Variants in SSBP2 observed in about 807,000 individuals in gnomAD.
SSBP2 encodes single stranded DNA binding protein 2.
SSBP2 carries 17 observed loss-of-function variants against 61.8 expected under a neutral mutation model. That is an observed-to-expected ratio of 0.28 (90% CI 0.19 to 0.41). SSBP2 has a LOEUF of 0.41. Ranked by LOEUF, SSBP2 falls within the 10% of genes least tolerant of loss-of-function variation. The pLI is 1.00. For synonymous variants in SSBP2, 139 were observed against 141.3 expected (o/e 0.98, Z 0.12); for missense variants, 310 against 458.7 (o/e 0.68, Z 2.96).
upstream of SSBP2, chr5:81,751,313 T>G (rs1581482028): frequency 6.1e-6 from 3 of 491,354 alleles, no homozygotes; most frequent in South Asian, 4.6e-5. Flanking sequence ...CCGCCTTCCC[T>G]CTCCGCTCTC....
intron 4 of SSBP2, among the ~76,000 whole-genome samples, chr5:81,595,992 G>T (rs78180084): frequency 6.6e-6 from 1 of 151,024 alleles, no homozygotes; most frequent in Admixed American, 6.6e-5. Flanking sequence ...CATAGTGTTG[G>T]ATAGGCAGGA....
intron 4 of SSBP2, among the ~76,000 whole-genome samples, chr5:81,575,877 G>A (rs988962809): frequency 1.3e-5 from 2 of 152,094 alleles, no homozygotes; most frequent in African/African-American, 4.8e-5. Context: ...TTAGATGCTG[G>A]GATAGTGTTC....
In SSBP2 at chr5:81,547,036, C is replaced by CAAAAAAAAAAA. The variant is rs61254614; in HGVS notation, c.283-33330_283-33320dup. On this transcript the variant is annotated intron_variant, in intron 4 of 16. Coordinates refer to ENST00000320672, the MANE Select transcript of SSBP2 (RefSeq NM_012446.5). The stretch of plus-strand genomic sequence containing the variant: ...TTTATAGTAAAGGGCAAATCTTGGC[C>CAAAAAAAAAAA]AAAAAAAAAAAAAAAAAAAAAGTCT... 2.0e-3 allele frequency among the ~76,000 whole-genome samples: 110 copies of CAAAAAAAAAAA among 53,858 alleles called. 14 individuals are homozygous for CAAAAAAAAAAA. Among genetic ancestry groups the CAAAAAAAAAAA allele is most frequent in the African/African-American group, 0.014 (104 of 7,372 alleles). 35.3% of individuals were successfully genotyped at this position (53,858 alleles called of 152,430 possible). A position where few individuals can be genotyped will look rare whatever the true frequency, so the allele number is the denominator to read the frequency against.
At chr5:81,560,116 C>T (rs780424330) in intron 4 of SSBP2, among the ~76,000 whole-genome samples, 5 of 152,180 alleles carry the variant, frequency 3.3e-5, no homozygotes, top group South Asian at 2.1e-4. Flanking sequence ...ATATCAATTG[C>T]GCTGTTTACT....
chr5:81,513,501 C>A lies in SSBP2; in HGVS notation c.372+127G>T, dbSNP rs1048190807. On this transcript the variant is annotated intron_variant, in intron 5 of 16. Transcript: ENST00000320672. The stretch of plus-strand genomic sequence containing the variant: ...ATAATAGATAACCCATCTGAATAAT[C>A]AAGAGTTGGCTACACATTATTATTT... 265 of 585,448 alleles carry A rather than the reference C, an allele frequency of 4.5e-4. 1 individual carries two copies. The highest frequency in any genetic ancestry group is 4.3e-4 in the Non-Finnish European group (141 of 326,352). 36.3% of individuals were successfully genotyped at this position (585,448 alleles called of 1,614,324 possible). A position where few individuals can be genotyped will look rare whatever the true frequency, so the allele number is the denominator to read the frequency against.
chr5:81,719,424 C>A (rs182787750), intron 1 of SSBP2, among the ~76,000 whole-genome samples: 2 of 152,252 alleles, frequency 1.3e-5, no homozygotes, highest in South Asian at 2.1e-4. Flanking sequence ...TCTTAATATC[C>A]ATAACATGGT....
intron 4 of SSBP2, among the ~76,000 whole-genome samples, chr5:81,544,952 T>G (rs1282406043): frequency 6.6e-6 from 1 of 152,150 alleles, no homozygotes; most frequent in African/African-American, 2.4e-5. Context: ...ACATATGGAC[T>G]GAATATAGAG....
intron 2 of SSBP2, among the ~76,000 whole-genome samples, chr5:81,641,683 A>C (rs1472426072): frequency 6.6e-6 from 1 of 152,236 alleles, no homozygotes; most frequent in East Asian, 1.9e-4. Context: ...GACCTGTAGA[A>C]AACTAAACCA....
chr5:81,636,818 C>T (rs892930411), intron 2 of SSBP2, among the ~76,000 whole-genome samples, 200 bp from the exon 3 acceptor site: 3 of 152,230 alleles, frequency 2.0e-5, no homozygotes, highest in African/African-American at 7.2e-5. Context: ...GATGTCACCA[C>T]TATTTTCCTG....
chr5:81,497,296 T>C (rs1767362692), intron 5 of SSBP2, among the ~76,000 whole-genome samples: 2 of 152,270 alleles, frequency 1.3e-5, no homozygotes, highest in Admixed American at 1.3e-4. Context: ...TTCATTATAA[T>C]GTGGTTCATG....
intron 1 of SSBP2, among the ~76,000 whole-genome samples, chr5:81,665,638 C>T (rs542960822): frequency 4.1e-4 from 62 of 152,220 alleles, no homozygotes; most frequent in African/African-American, 1.3e-3. Context: ...GGATTACAGG[C>T]GCCAGGCACC....
intron 1 of SSBP2, among the ~76,000 whole-genome samples, chr5:81,728,475 G>A (rs1055885523): frequency 2.0e-5 from 3 of 152,128 alleles, no homozygotes; most frequent in Non-Finnish European, 4.4e-5. Context: ...TGGTCGAGGA[G>A]TCAGAAAATT....
chr5:81,681,533 A>AG (rs1404458204), intron 1 of SSBP2, among the ~76,000 whole-genome samples: 3 of 151,908 alleles, frequency 2.0e-5, no homozygotes, highest in Non-Finnish European at 4.4e-5. Flanking sequence ...AAAAAAAAAA[A>AG]AAAGAAAATA....
chr5:81,648,320 G>C (rs774004962), intron 2 of SSBP2, among the ~76,000 whole-genome samples: 31 of 152,024 alleles, frequency 2.0e-4, no homozygotes, highest in Non-Finnish European at 1.8e-4. Flanking sequence ...GTTTTGATTT[G>C]AATAAACTTT....
At chr5:81,598,721 T>C (rs143589925) in intron 4 of SSBP2, among the ~76,000 whole-genome samples, 142 of 152,308 alleles carry the variant, frequency 9.3e-4, no homozygotes, top group African/African-American at 3.2e-3. Flanking sequence ...AACTTCTTAA[T>C]TGGGTCCTCA....
chr5:81,565,418 T>C (rs1194614256), intron 4 of SSBP2, among the ~76,000 whole-genome samples: 2 of 152,168 alleles, frequency 1.3e-5, no homozygotes, highest in Non-Finnish European at 2.9e-5. Flanking sequence ...ACTATTGGCC[T>C]AAAATTTTTA....
chr5:81,519,315 A>G (rs1769278054), intron 4 of SSBP2, among the ~76,000 whole-genome samples: 1 of 152,186 alleles, frequency 6.6e-6, no homozygotes, highest in South Asian at 2.1e-4. Context: ...ACATTTTCTC[A>G]GAACACTTCA....
intron 4 of SSBP2, among the ~76,000 whole-genome samples, chr5:81,567,747 T>A (rs2153434337): frequency 6.6e-6 from 1 of 152,252 alleles, no homozygotes; most frequent in African/African-American, 2.4e-5. Context: ...CTGCCCAAGA[T>A]CATGGGAACC....
At chr5:81,718,380 A>G (rs982633464) in intron 1 of SSBP2, among the ~76,000 whole-genome samples, 4 of 152,164 alleles carry the variant, frequency 2.6e-5, no homozygotes, top group African/African-American at 7.2e-5. Context: ...ATAGCCGATA[A>G]CAGTGATAAG....
Sources: allele counts gnomAD v4.1 joint callset (sites outside exome capture counted in the v4.1 genomes callset), GRCh38; gene constraint gnomAD v4.1.1; transcripts MANE v1.5; gene names NCBI Gene and HGNC (gene_info 2026-07-23, HGNC 2026-07-21).